The following WDR89 variants were observed in gnomAD, a reference collection of about 807,000 sequenced individuals.
WDR89 encodes the protein WD repeat-containing protein 89.
WDR89 carries 17 observed loss-of-function variants against 29.1 expected under a neutral mutation model. The observed-to-expected ratio is 0.58, with a 90% CI of 0.40 to 0.88. WDR89 has a LOEUF of 0.88. Among genes scored for constraint, WDR89 ranks in the 40% least tolerant of loss-of-function variants. The pLI is 0.00. For missense variants in WDR89, 396 were observed against 456.3 expected, an observed-to-expected ratio of 0.87 and a Z score of 1.20; for synonymous variants, 138 against 157.8, an observed-to-expected ratio of 0.87 and a Z score of 0.94.
chr14:63,618,267 G>A (rs996950294), intron 2 of WDR89: 1 of 152,064 alleles, frequency 6.6e-6, no homozygotes, highest in Non-Finnish European at 1.5e-5. Flanking sequence ...TGATCCTCTG[G>A]CCTCAGCCTA....
chr14:63,619,100 G>C (rs1882506568), intron 2 of WDR89, among the ~76,000 whole-genome samples: 1 of 152,176 alleles, frequency 6.6e-6, no homozygotes, highest in East Asian at 1.9e-4. Flanking sequence ...TGTGGAAAGA[G>C]CACCAACGGT....
chr14:63,606,985 C>T (rs1895352532), intron 2 of WDR89, among the ~76,000 whole-genome samples: 1 of 152,154 alleles, frequency 6.6e-6, no homozygotes, highest in Admixed American at 6.6e-5. Context: ...TAAAGTACTG[C>T]TGTCAACTTT....
intron 2 of WDR89, among the ~76,000 whole-genome samples, chr14:63,606,670 T>C (rs1330571046): frequency 6.6e-6 from 1 of 152,206 alleles, no homozygotes; most frequent in East Asian, 1.9e-4. Context: ...AACTGCCTAA[T>C]GACCCATTTC....
chr14:63,603,210 A>G (rs1895157120), intron 2 of WDR89, among the ~76,000 whole-genome samples: 1 of 152,140 alleles, frequency 6.6e-6, no homozygotes, highest in Non-Finnish European at 1.5e-5. Flanking sequence ...GCACACACAC[A>G]GTTCACCTTC....
Position 63,598,791 on chromosome 14 carries a change from C to T in WDR89, c.1152G>A (p.Arg384=), listed in dbSNP as rs1429071498. ...RVHSNDSYKR[R]KKQ is the part of the protein sequence containing the mutation. ...GCCAAATGCATTATCACTGCTTTTT[C>T]CTTCTTTTATAAGAATCATTACTAT... is the stretch of plus-strand genomic sequence containing the variant. The change falls in exon 3 of 3, where the codon AGG becomes AGA. Residue 384 remains arginine (R), a synonymous_variant. Transcript: ENST00000620954. 11 of 1,579,796 alleles carry T rather than the reference C, an allele frequency of 7.0e-6. No homozygotes were observed. The Admixed American group carries it at 1.1e-4, about 16-fold the overall frequency.
chr14:63,625,498 C>CT (rs1882978811), intron 1 of WDR89, among the ~76,000 whole-genome samples: 1 of 151,754 alleles, frequency 6.6e-6, no homozygotes, highest in Admixed American at 6.6e-5. Context: ...GTAAATTACA[C>CT]TTTAACAAAC....
intron 2 of WDR89, among the ~76,000 whole-genome samples, chr14:63,623,913 T>C (rs1267028524): frequency 2.0e-5 from 3 of 151,882 alleles, no homozygotes; most frequent in African/African-American, 7.3e-5. Context: ...AGAAAAAAGA[T>C]ATACCATGCA....
chr14:63,625,929 C>A lies in WDR89; in HGVS notation c.-137-896G>T, dbSNP rs1462293517. Among the ~76,000 whole-genome samples, 6 of 151,642 alleles carry A rather than the reference C, an allele frequency of 4.0e-5. No homozygotes were observed. In the East Asian group the frequency reaches 9.7e-4, roughly 25 times the overall value. On this transcript the variant is annotated intron_variant, in intron 1 of 2. Coordinates refer to ENST00000620954, the MANE Select transcript of WDR89 (RefSeq NM_080666.4). Reference sequence around the variant, plus strand: ...AGAGCAGCAGCGTGATCTCAGCTCACTGCAACCTCTGCCTCCCGGGTTCAA... The same window carrying A: ...AGAGCAGCAGCGTGATCTCAGCTCAATGCAACCTCTGCCTCCCGGGTTCAA...
At chr14:63,627,762 A>G (rs923465406) in intron 1 of WDR89, among the ~76,000 whole-genome samples, 2 of 151,958 alleles carry the variant, frequency 1.3e-5, no homozygotes, top group Non-Finnish European at 2.9e-5. Context: ...CTTATAAGTG[A>G]GTATCACTGA....
At chr14:63,600,641 A>T (rs1895015521) in intron 2 of WDR89, among the ~76,000 whole-genome samples, 1 of 143,812 alleles carries the variant, frequency 7.0e-6, no homozygotes, top group African/African-American at 2.5e-5. Context: ...ATTGGCAAGG[A>T]TCTCCACTTT....
intron 2 of WDR89, 108 bp from the exon 3 acceptor site, chr14:63,600,081 T>C (rs980389360): frequency 3.4e-6 from 2 of 583,980 alleles, no homozygotes; most frequent in African/African-American, 3.9e-5. Context: ...TCAAGAACAT[T>C]TTCCTCTGAG....
intron 1 of WDR89, among the ~76,000 whole-genome samples, chr14:63,632,108 C>A (rs1202817986): frequency 1.3e-5 from 2 of 149,816 alleles, no homozygotes; most frequent in Non-Finnish European, 3.0e-5. Context: ...GGAGACTCTG[C>A]CTCAAAAAAA....
intron 2 of WDR89, among the ~76,000 whole-genome samples, chr14:63,604,603 A>G: frequency 6.6e-6 from 1 of 152,184 alleles, no homozygotes; most frequent in East Asian, 1.9e-4. Flanking sequence ...CACTCCAATA[A>G]TTAAGAATTT....
At chr14:63,637,260 CAAG>C (rs1384595680) in intron 1 of WDR89, among the ~76,000 whole-genome samples, 2 of 152,148 alleles carry the variant, frequency 1.3e-5, no homozygotes, top group Non-Finnish European at 2.9e-5. Context: ...AATAAAAAAA[CAAG>C]AGATGCTGGC....
At chr14:63,605,695 G>A (rs1362012324) in intron 2 of WDR89, among the ~76,000 whole-genome samples, 4 of 151,884 alleles carry the variant, frequency 2.6e-5, no homozygotes, top group African/African-American at 9.7e-5. Context: ...CCTGACCTCA[G>A]GTGATCCACA....
At chr14:63,627,606 CT>C (rs1430136177) in intron 1 of WDR89, among the ~76,000 whole-genome samples, 1 of 152,116 alleles carries the variant, frequency 6.6e-6, no homozygotes. Context: ...AACCATTTAT[CT>C]TTTTACTCTC....
intron 2 of WDR89, chr14:63,601,497 G>A: frequency 1.5e-6 from 2 of 1,347,610 alleles, no homozygotes; most frequent in African/African-American, 1.4e-5. Context: ...CGAGTCTGAG[G>A]TGGAGGGAGT....
At chr14:63,618,620 G>A (rs976747657) in intron 2 of WDR89, among the ~76,000 whole-genome samples, 4 of 151,974 alleles carry the variant, frequency 2.6e-5, no homozygotes, top group East Asian at 1.9e-4. Flanking sequence ...GAAATCAGAG[G>A]ATTGATCAAT....
chr14:63,605,461 A>G (rs1341313217), intron 2 of WDR89, among the ~76,000 whole-genome samples: 1 of 151,516 alleles, frequency 6.6e-6, no homozygotes, highest in Non-Finnish European at 1.5e-5. Context: ...GTCCAATACT[A>G]TACTTTTTTT....
Sources: gnomAD v4.1 joint callset for allele counts (sites outside exome capture counted in the v4.1 genomes callset) on GRCh38, gnomAD v4.1.1 for gene constraint, MANE v1.5 for transcripts, NCBI Gene and HGNC (gene_info 2026-07-23, HGNC 2026-07-21) for gene names.